Variants in PIP5K1B observed in about 807,000 individuals in gnomAD.
The protein encoded by PIP5K1B is phosphatidylinositol 4-phosphate 5-kinase type-1 beta.
PIP5K1B carries 42 observed loss-of-function variants against 67.0 expected under a neutral mutation model. The observed-to-expected ratio is 0.63, with a 90% CI of 0.49 to 0.81. The LOEUF (loss-of-function observed/expected upper bound fraction) is 0.81, where lower values mean the gene tolerates loss of function less well. Among genes scored for constraint, PIP5K1B ranks in the 30% least tolerant of loss-of-function variants. The pLI, the probability that PIP5K1B is intolerant of heterozygous loss-of-function variation, is 0.00. For missense variants in PIP5K1B, 459 were observed against 646.3 expected (o/e 0.71, Z 3.14); for synonymous variants, 214 against 231.4 (o/e 0.92, Z 0.68).
At chr9:68,804,209 C>T (rs559495145) in intron 2 of PIP5K1B, among the ~76,000 whole-genome samples, 86 of 152,226 alleles carry the variant, frequency 5.6e-4, no homozygotes, top group Non-Finnish European at 1.1e-3. Flanking sequence ...AAGGAGTTCA[C>T]ATGCTCATAT....
chr9:68,932,937 C>G (rs1827072890), intron 12 of PIP5K1B, among the ~76,000 whole-genome samples: 1 of 151,918 alleles, frequency 6.6e-6, no homozygotes, highest in Non-Finnish European at 1.5e-5. Context: ...CCCGTCTCTA[C>G]TAAAAATACA....
intron 4 of PIP5K1B, among the ~76,000 whole-genome samples, chr9:68,848,537 A>C (rs1462186700): frequency 6.6e-6 from 1 of 152,230 alleles, no homozygotes; most frequent in Non-Finnish European, 1.5e-5. Flanking sequence ...GTATATATTT[A>C]ATTGTGAATA....
At chr9:68,843,365 T>C (rs1822015997) in intron 4 of PIP5K1B, 1 of 152,220 alleles carries the variant, frequency 6.6e-6, no homozygotes, top group South Asian at 2.1e-4. Flanking sequence ...CACAGACCAA[T>C]GTAGTAAAAA....
intron 2 of PIP5K1B, among the ~76,000 whole-genome samples, chr9:68,806,326 G>A (rs1832868763): frequency 6.6e-6 from 1 of 152,154 alleles, no homozygotes; most frequent in Non-Finnish European, 1.5e-5. Context: ...CTCAGGTTCT[G>A]ACAGTGTTTT....
intron 2 of PIP5K1B, chr9:68,783,699 T>C (rs374759277): frequency 6.0e-6 from 1 of 167,214 alleles, no homozygotes. Flanking sequence ...TCCTTATTTC[T>C]ACCTCTATTG....
intron 5 of PIP5K1B, among the ~76,000 whole-genome samples, chr9:68,864,430 TTTAAC>T (rs1823260711): frequency 6.6e-6 from 1 of 152,266 alleles, no homozygotes; most frequent in Non-Finnish European, 1.5e-5. Flanking sequence ...TTATGATGAC[TTTAAC>T]TTAACTTTCC....
chr9:68,819,070 T>C (rs780196102), intron 3 of PIP5K1B, among the ~76,000 whole-genome samples: 6 of 152,198 alleles, frequency 3.9e-5, no homozygotes, highest in Non-Finnish European at 8.8e-5. Flanking sequence ...CATTTAAAAA[T>C]GAACAATTCA....
intron 2 of PIP5K1B, among the ~76,000 whole-genome samples, chr9:68,811,256 A>G (rs182541407): frequency 1.3e-5 from 2 of 152,150 alleles, no homozygotes; most frequent in African/African-American, 4.8e-5. Flanking sequence ...TCCCACTTTC[A>G]TTATACTTTC....
chr9:68,883,913 CTT>C, intron 6 of PIP5K1B, among the ~76,000 whole-genome samples: 1 of 152,244 alleles, frequency 6.6e-6, no homozygotes, highest in South Asian at 2.1e-4. Flanking sequence ...AGGATAGTCT[CTT>C]TAAGAAATGA....
intron 2 of PIP5K1B, among the ~76,000 whole-genome samples, chr9:68,758,823 T>C (rs1830058861): frequency 6.6e-6 from 1 of 151,848 alleles, no homozygotes; most frequent in Admixed American, 6.6e-5. Flanking sequence ...ATCATCAAAC[T>C]GCTGAAAACC....
At chr9:68,955,525 C>T (rs189827766) in intron 14 of PIP5K1B, among the ~76,000 whole-genome samples, 1 of 152,296 alleles carries the variant, frequency 6.6e-6, no homozygotes, top group African/African-American at 2.4e-5. Flanking sequence ...TCTTAATAAA[C>T]AAGGGACTCC....
At chr9:68,917,009 A>G (rs1379271365) in intron 8 of PIP5K1B, among the ~76,000 whole-genome samples, 6 of 152,238 alleles carry the variant, frequency 3.9e-5, no homozygotes, top group Non-Finnish European at 5.9e-5. Context: ...GCTGAGGAAG[A>G]TACAAGCGTA....
intron 2 of PIP5K1B, among the ~76,000 whole-genome samples, chr9:68,763,802 G>A (rs931997342): frequency 1.3e-5 from 2 of 152,148 alleles, no homozygotes; most frequent in African/African-American, 4.8e-5. Flanking sequence ...ATGAGGTGGT[G>A]TATTTCCTTC....
intron 5 of PIP5K1B, among the ~76,000 whole-genome samples, chr9:68,871,946 A>G (rs1773694582): frequency 6.6e-6 from 1 of 151,946 alleles, no homozygotes; most frequent in African/African-American, 2.4e-5. Flanking sequence ...AGTGCATTGA[A>G]GAAATATAAG....
intron 5 of PIP5K1B, among the ~76,000 whole-genome samples, chr9:68,871,559 T>C (rs934632614): frequency 1.3e-5 from 2 of 152,140 alleles, no homozygotes; most frequent in Non-Finnish European, 2.9e-5. Context: ...TCAGAAGAGG[T>C]GAATATCAGA....
intron 1 of PIP5K1B, among the ~76,000 whole-genome samples, chr9:68,718,672 A>G (rs1458395468): frequency 3.3e-5 from 5 of 152,184 alleles, no homozygotes; most frequent in East Asian, 1.9e-4. Context: ...GCATTGTCTC[A>G]TCTGTCCCTG....
intron 2 of PIP5K1B, among the ~76,000 whole-genome samples, chr9:68,746,608 G>A (rs1213133211): frequency 6.6e-6 from 1 of 152,162 alleles, no homozygotes; most frequent in Non-Finnish European, 1.5e-5. Flanking sequence ...AGTTAGCTGT[G>A]AGATAACCTA....
chr9:68,904,316 ACT>A (rs1825504576), intron 8 of PIP5K1B, among the ~76,000 whole-genome samples: 2 of 152,222 alleles, frequency 1.3e-5, no homozygotes, highest in African/African-American at 2.4e-5. Context: ...TGGTCACCTA[ACT>A]CTGACAAGGA....
At chr9:68,967,624 A>T (rs1829104628) in intron 14 of PIP5K1B, among the ~76,000 whole-genome samples, 1 of 152,150 alleles carries the variant, frequency 6.6e-6, no homozygotes, top group Non-Finnish European at 1.5e-5. Flanking sequence ...CCTCTCCCAG[A>T]CACTGCTACA....
Sources: gnomAD v4.1 joint callset for allele counts (sites outside exome capture counted in the v4.1 genomes callset) on GRCh38, gnomAD v4.1.1 for gene constraint, MANE v1.5 for transcripts, NCBI Gene and HGNC (gene_info 2026-07-23, HGNC 2026-07-21) for gene names.